The following SAXO4 variants were observed in gnomAD, a reference collection of about 807,000 sequenced individuals.
SAXO4 encodes stabilizer of axonemal microtubules 4.
chr11:61,489,460 A>G, the SAXO4 span: 1 of 557,682 alleles, frequency 1.8e-6, no homozygotes, highest in East Asian at 2.9e-5. Context: ...GGAAATGGAA[A>G]TGAAATGGAA....
the SAXO4 span, among the ~76,000 whole-genome samples, chr11:61,483,038 C>T: frequency 6.6e-6 from 1 of 152,022 alleles, no homozygotes; most frequent in Admixed American, 6.6e-5. Context: ...TTTCCATCCC[C>T]ATCCCTGTCC....
chr11:61,484,804 G>C, the SAXO4 span: 1 of 1,596,148 alleles, frequency 6.3e-7, no homozygotes, highest in Non-Finnish European at 8.5e-7. Flanking sequence ...TGGAGCGGGA[G>C]AACTTCCGAC....
chr11:61,481,979 T>C, the SAXO4 span: 1 of 1,179,392 alleles, frequency 8.5e-7, no homozygotes, highest in South Asian at 1.3e-5. Flanking sequence ...AGGGGCTCTC[T>C]CTGAGGGAGG....
chr11:61,490,744 C>T, the SAXO4 span: 13 of 649,632 alleles, frequency 2.0e-5, no homozygotes, highest in Non-Finnish European at 3.3e-5. Flanking sequence ...AACCCCTTCT[C>T]TGCCAGGCAA....
chr11:61,486,350 C>G, the SAXO4 span: 4 of 1,613,754 alleles, frequency 2.5e-6, no homozygotes, highest in East Asian at 6.7e-5. Context: ...CCAGGCCCTC[C>G]TCCCAGGCCA....
chr11:61,481,373 G>T, the SAXO4 span, among the ~76,000 whole-genome samples: 3 of 152,236 alleles, frequency 2.0e-5, no homozygotes, highest in South Asian at 6.2e-4. Context: ...TTGGGTGGGG[G>T]CCAAGAATTC....
chr11:61,483,697 C>T, the SAXO4 span, among the ~76,000 whole-genome samples: 2 of 152,070 alleles, frequency 1.3e-5, no homozygotes, highest in Non-Finnish European at 2.9e-5. Context: ...ATGGCTCACA[C>T]CTGTAATCCC....
chr11:61,490,547 A>G, the SAXO4 span: 1 of 1,614,148 alleles, frequency 6.2e-7, no homozygotes, highest in African/African-American at 1.3e-5. Flanking sequence ...ACCTCACAGC[A>G]GCCGCTGCGT....
the SAXO4 span, chr11:61,482,331 C>T: frequency 5.0e-6 from 8 of 1,614,020 alleles, no homozygotes; most frequent in Middle Eastern, 1.6e-4. Flanking sequence ...TTTCAAGCCC[C>T]GTGTGGGCAG....
chr11:61,482,870 C>G, the SAXO4 span: 1 of 1,489,220 alleles, frequency 6.7e-7, no homozygotes, highest in Non-Finnish European at 8.9e-7. Flanking sequence ...TAGGGCTGCA[C>G]TGCCAACAGT....
the SAXO4 span, chr11:61,489,541 G>A: frequency 1.7e-6 from 1 of 590,172 alleles, no homozygotes; most frequent in Non-Finnish European, 3.0e-6. Context: ...GCCAGGGACA[G>A]GGGCATCACT....
chr11:61,485,627 C>G, the SAXO4 span, among the ~76,000 whole-genome samples: 1 of 152,198 alleles, frequency 6.6e-6, no homozygotes, highest in African/African-American at 2.4e-5. Context: ...GCTCCCTCTC[C>G]TGTCCTCCGG....
At chr11:61,484,578 C>T in the SAXO4 span, 1 of 1,382,704 alleles carries the variant, frequency 7.2e-7, no homozygotes, top group Non-Finnish European at 9.8e-7. Context: ...TGTAAAAGGA[C>T]CCCCTCTGGC....
the SAXO4 span, chr11:61,490,648 C>G: frequency 2.1e-5 from 30 of 1,424,064 alleles, no homozygotes; most frequent in Non-Finnish European, 3.0e-5. Flanking sequence ...TATGGGCCAG[C>G]CCTGCCTCTC....
the SAXO4 span, chr11:61,489,777 T>A: frequency 6.2e-7 from 1 of 1,613,974 alleles, no homozygotes; most frequent in Non-Finnish European, 8.5e-7. Flanking sequence ...CCTCCTCTCC[T>A]CCAGGTACTT....
chr11:61,482,721 C>G, the SAXO4 span: 3 of 1,614,016 alleles, frequency 1.9e-6, no homozygotes, highest in South Asian at 3.3e-5. Context: ...AGGTGCCTGA[C>G]GGCAAGCATC....
At chr11:61,482,114 G>C in the SAXO4 span, among the ~76,000 whole-genome samples, 1 of 152,170 alleles carries the variant, frequency 6.6e-6, no homozygotes, top group Non-Finnish European at 1.5e-5. Context: ...CTGCCACACT[G>C]ACCTTGTCCC....
At chr11:61,489,660 C>A in the SAXO4 span, 6 of 1,017,148 alleles carry the variant, frequency 5.9e-6, no homozygotes, top group Non-Finnish European at 9.1e-6. Flanking sequence ...GAGAGCTAGA[C>A]GAGGACAGCA....
At chr11:61,484,217 T>A in the SAXO4 span, among the ~76,000 whole-genome samples, 1 of 152,186 alleles carries the variant, frequency 6.6e-6, no homozygotes, top group Non-Finnish European at 1.5e-5. Context: ...CACTCCAGCC[T>A]GGGCAACAGA....
Sources: allele counts gnomAD v4.1 joint callset (sites outside exome capture counted in the v4.1 genomes callset), GRCh38; gene constraint gnomAD v4.1.1; transcripts MANE v1.5; gene names NCBI Gene and HGNC (gene_info 2026-07-23, HGNC 2026-07-21).